NXPH1: variants seen among roughly 807,000 people sequenced by gnomAD.
The protein encoded by NXPH1 is neurexophilin 1.
In NXPH1, 5 loss-of-function variants were observed where a neutral mutation model predicts 23.7. The observed-to-expected ratio is 0.21, with a 90% CI of 0.11 to 0.44. The LOEUF is 0.44. Among genes scored for constraint, NXPH1 ranks in the 20% least tolerant of loss-of-function variants. NXPH1 has a pLI of 0.99. For synonymous variants in NXPH1, 144 were observed against 122.2 expected, an observed-to-expected ratio of 1.18 and a Z score of -1.18; for missense variants, 324 against 321.6, an observed-to-expected ratio of 1.01 and a Z score of -0.06.
At position 8,632,391 on chromosome 7, in the gene NXPH1, A is replaced by G. The variant is rs1249159246; in HGVS notation, c.55-118617A>G. ...TCTTGATTCCATTGCTTACCTGTTT[A>G]CATTCAAGTAGATGTATAACTTTAT... On this transcript the variant is annotated intron_variant, in intron 2 of 2. Coordinates refer to ENST00000405863, the MANE Select transcript of NXPH1 (RefSeq NM_152745.3). Among the ~76,000 whole-genome samples the G allele has an allele frequency of 7.9e-5, 12 of 152,160 alleles. 1 individual carries two copies. The East Asian group carries it at 2.3e-3, about 29-fold the overall frequency.
At chr7:8,722,766 C>G (rs375007007) in intron 2 of NXPH1, among the ~76,000 whole-genome samples, 10 of 152,154 alleles carry the variant, frequency 6.6e-5, no homozygotes, top group Admixed American at 6.5e-5. Context: ...TGGATGGTAA[C>G]GAACCTTCAT....
At chr7:8,466,762 G>A (rs192621181) in intron 2 of NXPH1, among the ~76,000 whole-genome samples, 123 of 152,192 alleles carry the variant, frequency 8.1e-4, no homozygotes, top group African/African-American at 2.0e-3. Context: ...CTAGTCTTTC[G>A]TTCCCTTGTC....
intron 2 of NXPH1, chr7:8,690,389 T>C (rs1297267409): frequency 6.6e-6 from 1 of 152,258 alleles, no homozygotes; most frequent in African/African-American, 2.4e-5. Context: ...TCTATTTCTA[T>C]CTTAAACCCA....
At chr7:8,667,315 C>T (rs1371486423) in intron 2 of NXPH1, among the ~76,000 whole-genome samples, 1 of 151,862 alleles carries the variant, frequency 6.6e-6, no homozygotes, top group African/African-American at 2.4e-5. Context: ...CATTTTTTTT[C>T]AGCTTGAAGA....
chr7:8,648,187 AT>A (rs1231787133), intron 2 of NXPH1, among the ~76,000 whole-genome samples: 1 of 152,164 alleles, frequency 6.6e-6, no homozygotes, highest in African/African-American at 2.4e-5. Flanking sequence ...TCTTTAAGTT[AT>A]TTAAAAATGT....
intron 2 of NXPH1, among the ~76,000 whole-genome samples, chr7:8,668,601 CTT>C (rs1403078010): frequency 4.6e-5 from 7 of 150,722 alleles, no homozygotes; most frequent in Admixed American, 4.6e-4. Context: ...TGGCTTAAAA[CTT>C]GGGTCCACAA....
At chr7:8,627,365 A>C (rs1471459956) in intron 2 of NXPH1, among the ~76,000 whole-genome samples, 4 of 152,142 alleles carry the variant, frequency 2.6e-5, no homozygotes, top group African/African-American at 7.2e-5. Flanking sequence ...AAAAGAACTC[A>C]GGGGAAATAG....
intron 2 of NXPH1, among the ~76,000 whole-genome samples, chr7:8,726,040 G>C (rs554050186): frequency 6.6e-6 from 1 of 152,220 alleles, no homozygotes; most frequent in East Asian, 1.9e-4. Context: ...ATCAGAGTGT[G>C]TTAATTTAGG....
chr7:8,689,488 C>G (rs1821195243), intron 2 of NXPH1, among the ~76,000 whole-genome samples: 1 of 152,096 alleles, frequency 6.6e-6, no homozygotes, highest in Non-Finnish European at 1.5e-5. Flanking sequence ...GGGATCCTCG[C>G]TATGCATAGG....
In NXPH1 at chr7:8,598,394, C is replaced by G. The variant is rs1026394656; in HGVS notation, c.55-152614C>G. Among the ~76,000 whole-genome samples, 3 of 152,076 alleles carry G rather than the reference C, an allele frequency of 2.0e-5. No homozygotes were observed. The South Asian group carries it at 6.2e-4, about 32-fold the overall frequency. On this transcript the variant is annotated intron_variant, in intron 2 of 2. Transcript: ENST00000405863. ...GCTTAGTATCCAATCTTCTCTTTGG[C>G]TAATATTGGGGCACATAGACCTGGT...
chr7:8,671,738 C>G lies in NXPH1; in HGVS notation c.55-79270C>G, dbSNP rs77480484. ...CTATCATAAGGTTATTGCATAAATC[C>G]TAATTCTGTCACCATTTCTAAACAG... On this transcript the variant is annotated intron_variant, in intron 2 of 2. Transcript: ENST00000405863. 3.4e-3 allele frequency among the ~76,000 whole-genome samples: 519 copies of G among 152,230 alleles called. 4 individuals carry two copies. Among genetic ancestry groups the G allele is most frequent in the African/African-American group, 0.011 (441 of 41,548 alleles).
chr7:8,529,408 A>T (rs183679693), intron 2 of NXPH1, among the ~76,000 whole-genome samples: 1 of 152,310 alleles, frequency 6.6e-6, no homozygotes, highest in East Asian at 1.9e-4. Flanking sequence ...ACACATGGGA[A>T]GGTAAAAGGA....
intron 2 of NXPH1, among the ~76,000 whole-genome samples, chr7:8,539,960 C>G (rs1274385851): frequency 6.6e-6 from 1 of 151,688 alleles, no homozygotes; most frequent in Non-Finnish European, 1.5e-5. Context: ...AGACAGTAAA[C>G]CTTTATATTT....
At chr7:8,527,879 G>A (rs533269959) in intron 2 of NXPH1, among the ~76,000 whole-genome samples, 2 of 152,308 alleles carry the variant, frequency 1.3e-5, no homozygotes, top group East Asian at 3.9e-4. Flanking sequence ...CATGGGATGT[G>A]GAAATTGATC....
At chr7:8,532,950 C>T (rs977847528) in intron 2 of NXPH1, among the ~76,000 whole-genome samples, 2 of 152,094 alleles carry the variant, frequency 1.3e-5, no homozygotes, top group Non-Finnish European at 2.9e-5. Flanking sequence ...AAATAGTGTA[C>T]TATTGCCACT....
chr7:8,478,116 T>C (rs1817008480), intron 2 of NXPH1, among the ~76,000 whole-genome samples: 1 of 152,072 alleles, frequency 6.6e-6, no homozygotes, highest in South Asian at 2.1e-4. Flanking sequence ...GAGATTGGAT[T>C]GTCTAGTTGG....
At position 8,445,576 on chromosome 7, in the gene NXPH1, G is replaced by A. The variant is rs1440267861; in HGVS notation, c.54+9809G>A. 3.3e-5 allele frequency among the ~76,000 whole-genome samples: 5 copies of A among 152,140 alleles called. No homozygotes were observed. In the East Asian group the frequency reaches 9.6e-4, roughly 29 times the overall value. On this transcript the variant is annotated intron_variant, in intron 2 of 2. Transcript: ENST00000405863. ...GAAAACCGCAGACTAAAAGAAAGAG[G>A]CACTTTCTTCTCTAAGAGGTTATTG...
chr7:8,728,533 G>T (rs541505835), intron 2 of NXPH1, among the ~76,000 whole-genome samples: 2 of 152,120 alleles, frequency 1.3e-5, no homozygotes, highest in Admixed American at 6.5e-5. Flanking sequence ...AATTTATTGA[G>T]AGTTTTTAGC....
chr7:8,748,558 G>C (rs925739571), intron 2 of NXPH1, among the ~76,000 whole-genome samples: 2 of 152,192 alleles, frequency 1.3e-5, no homozygotes, highest in Non-Finnish European at 2.9e-5. Context: ...CAATAGTCCA[G>C]AGACTGATTC....
Sources: gnomAD v4.1 joint callset for allele counts (sites outside exome capture counted in the v4.1 genomes callset) on GRCh38, gnomAD v4.1.1 for gene constraint, MANE v1.5 for transcripts, NCBI Gene and HGNC (gene_info 2026-07-23, HGNC 2026-07-21) for gene names.